Variants in PLXNA2 observed in about 807,000 individuals in gnomAD.
The protein encoded by PLXNA2 is plexin-A2.
Under a neutral mutation model 193.5 loss-of-function variants are expected in PLXNA2, and 91 were observed. The observed-to-expected ratio is 0.47, with a 90% CI of 0.40 to 0.56. PLXNA2 has a LOEUF of 0.56. Among genes scored for constraint, PLXNA2 ranks in the 20% least tolerant of loss-of-function variants. The probability of loss-of-function intolerance (pLI) is 0.00; values close to 1 mark genes in which losing one functional copy is unlikely to be tolerated. For missense variants in PLXNA2, 1,995 were observed against 2,503.2 expected (o/e 0.80, Z 4.33); for synonymous variants, 997 against 1,027.3 (o/e 0.97, Z 0.56).
chr1:208,033,260 G>A (rs1198043334), intron 28 of PLXNA2, 59 bp downstream of exon 28: 1 of 1,443,452 alleles, frequency 6.9e-7, no homozygotes, highest in Non-Finnish European at 9.6e-7. Flanking sequence ...CTGTGTTGTG[G>A]AGGGGCAGGA....
chr1:208,168,168 T>A (rs1258614440), intron 3 of PLXNA2, among the ~76,000 whole-genome samples: 1 of 152,210 alleles, frequency 6.6e-6, no homozygotes, highest in Non-Finnish European at 1.5e-5. Flanking sequence ...TGGTGAGAAC[T>A]AAAAGGTGTA....
intron 3 of PLXNA2, among the ~76,000 whole-genome samples, chr1:208,184,380 G>C (rs897101212): frequency 6.6e-6 from 1 of 151,798 alleles, no homozygotes; most frequent in Non-Finnish European, 1.5e-5. Flanking sequence ...CAGCCAAATA[G>C]GTTTTGCAAT....
At chr1:208,046,237 T>A (rs1665060210) in intron 17 of PLXNA2, 120 bp from the exon 18 acceptor site, 3 of 1,289,956 alleles carry the variant, frequency 2.3e-6, no homozygotes, top group Non-Finnish European at 3.1e-6. Flanking sequence ...TACTTGCTTG[T>A]CTCCATTCCA....
intron 9 of PLXNA2, among the ~76,000 whole-genome samples, chr1:208,087,082 A>C (rs775839982): frequency 6.6e-6 from 1 of 151,622 alleles, no homozygotes; most frequent in Non-Finnish European, 1.5e-5. Context: ...CCAGCTGATG[A>C]ATTGTAAATG....
chr1:208,042,062 C>A (rs560446378), intron 22 of PLXNA2, 36 bp downstream of exon 22: 1 of 1,603,054 alleles, frequency 6.2e-7, no homozygotes, highest in African/African-American at 1.3e-5. Flanking sequence ...GGTTCAGACT[C>A]CTGCCACCCT....
At chr1:208,027,738 G>A (rs1335717134) in intron 31 of PLXNA2, among the ~76,000 whole-genome samples, 1 of 152,234 alleles carries the variant, frequency 6.6e-6, no homozygotes, top group Non-Finnish European at 1.5e-5. Flanking sequence ...TTCATTAAGA[G>A]AGAATGAAAT....
rs2102312209 is a variant in PLXNA2, at chr1:208,038,589, C to A, written c.4661-115G>T. ...GCAACCCGGCCCCCTCAAGCTGGTA[C>A]CAATAACAGAGGCTAGAGACATCTA... On this transcript the variant is annotated intron_variant, in intron 25 of 31. Transcript: ENST00000367033. This position sits in a 1 kb window ranked among gnomAD's most constrained non-coding sequence, Gnocchi z 4.1. 2 of 884,786 alleles carry A rather than the reference C, an allele frequency of 2.3e-6. No homozygotes were observed. Among genetic ancestry groups the A allele is most frequent in the East Asian group, 2.5e-5 (1 of 40,286 alleles). 54.8% of individuals were successfully genotyped at this position (884,786 alleles called of 1,614,324 possible).
chr1:208,034,411 G>C, intron 27 of PLXNA2, 82 bp downstream of exon 27: 1 of 879,462 alleles, frequency 1.1e-6, no homozygotes. Flanking sequence ...GCTGCCTGCT[G>C]TTAGAAGGGG....
intron 3 of PLXNA2, among the ~76,000 whole-genome samples, chr1:208,200,527 G>A (rs114346481): frequency 0.01 from 1,530 of 148,534 alleles, 23 homozygotes; most frequent in East Asian, 0.076. Flanking sequence ...CATAATCTCT[G>A]AATTTCAGAA....
chr1:208,214,389 A>G (rs1346214359), intron 2 of PLXNA2, among the ~76,000 whole-genome samples: 5 of 152,222 alleles, frequency 3.3e-5, no homozygotes, highest in Non-Finnish European at 7.3e-5. Context: ...CAGGTACATA[A>G]CTTGCCCAAA....
chr1:208,081,386 G>A (rs559288778), intron 11 of PLXNA2, among the ~76,000 whole-genome samples: 4 of 152,224 alleles, frequency 2.6e-5, no homozygotes, highest in Admixed American at 6.5e-5. Flanking sequence ...TGGCTGATCC[G>A]TCAGGTGGAA....
chr1:208,224,281 T>G (rs1217538515), intron 1 of PLXNA2, among the ~76,000 whole-genome samples: 2 of 151,396 alleles, frequency 1.3e-5, no homozygotes, highest in African/African-American at 2.4e-5. Context: ...CCACTGTCAC[T>G]CTGATGGCGT....
At chr1:208,043,842 G>A (rs987029839) in intron 20 of PLXNA2, among the ~76,000 whole-genome samples, 1 of 152,238 alleles carries the variant, frequency 6.6e-6, no homozygotes. Context: ...CTTGACATTT[G>A]CAGCAAAAGG....
At chr1:208,064,704 C>G (rs1481537314) in intron 12 of PLXNA2, among the ~76,000 whole-genome samples, 1 of 152,316 alleles carries the variant, frequency 6.6e-6, no homozygotes, top group Non-Finnish European at 1.5e-5. Context: ...GCCCGGGAAG[C>G]AAGGACCCTG....
chr1:208,232,892 C>T (rs1313202464), intron 1 of PLXNA2, among the ~76,000 whole-genome samples: 2 of 152,216 alleles, frequency 1.3e-5, no homozygotes, highest in Non-Finnish European at 2.9e-5. Flanking sequence ...ACAGCCTTTT[C>T]CTCCACTGAA....
In PLXNA2 at chr1:208,024,985, A is replaced by G. The variant is rs1026621967; in HGVS notation, c.*2258T>C. 2.0e-5 allele frequency: 3 copies of G among 152,592 alleles called. No individual in the cohort carries two copies. The highest frequency in any genetic ancestry group is 7.2e-5 in the African/African-American group (3 of 41,438). 9.5% of individuals were successfully genotyped at this position (152,592 alleles called of 1,614,324 possible). On this transcript the variant is annotated 3_prime_UTR_variant, in exon 32 of 32. Transcript: ENST00000367033. ...CTGATAAGCTTTGAGTGCTATGAAG[A>G]GCAAACACTTTGGCTTAGTGCGGAA...
intron 4 of PLXNA2, among the ~76,000 whole-genome samples, chr1:208,116,166 G>T (rs1260204744): frequency 6.6e-6 from 1 of 152,116 alleles, no homozygotes; most frequent in Non-Finnish European, 1.5e-5. Flanking sequence ...GCAAATCCCT[G>T]GGCCCTCCCT....
chr1:208,218,711 G>A (rs963086270), intron 1 of PLXNA2, among the ~76,000 whole-genome samples: 10 of 152,208 alleles, frequency 6.6e-5, no homozygotes, highest in African/African-American at 2.4e-4. Context: ...ACAAGACTGG[G>A]ATTCCCACAT....
At chr1:208,053,753 G>A (rs1665339328) in intron 14 of PLXNA2, among the ~76,000 whole-genome samples, 1 of 152,142 alleles carries the variant, frequency 6.6e-6, no homozygotes, top group Non-Finnish European at 1.5e-5. Flanking sequence ...GTGGCTCCAG[G>A]GCCCCAGAAG....
Sources: allele counts gnomAD v4.1 joint callset (sites outside exome capture counted in the v4.1 genomes callset), GRCh38; gene constraint gnomAD v4.1.1; non-coding constraint Gnocchi (gnomAD v3.1); transcripts MANE v1.5; gene names NCBI Gene and HGNC (gene_info 2026-07-23, HGNC 2026-07-21).